Variants in SYN3 observed in about 807,000 individuals in gnomAD.
SYN3 encodes synapsin-3.
Under a neutral mutation model 65.8 loss-of-function variants are expected in SYN3, and 35 were observed. The ratio of observed to expected loss-of-function variants is 0.53; its 90% CI spans 0.41 to 0.70. SYN3 has a LOEUF of 0.70. SYN3 is among the 30% of genes least tolerant of loss of function. SYN3 has a pLI of 0.00. For missense variants in SYN3, 680 were observed against 749.0 expected (o/e 0.91, Z 1.08); for synonymous variants, 270 against 292.9 (o/e 0.92, Z 0.80).
chr22:32,646,588 G>A (rs1032891257), intron 6 of SYN3, among the ~76,000 whole-genome samples: 7 of 152,198 alleles, frequency 4.6e-5, no homozygotes, highest in Admixed American at 6.5e-5. Flanking sequence ...GAGCAGATGT[G>A]TTATAATAGG....
intron 6 of SYN3, chr22:32,833,730 G>A (rs973900452): frequency 2.0e-6 from 1 of 491,590 alleles, no homozygotes; most frequent in South Asian, 1.4e-5. Context: ...ATGATCTGGG[G>A]AGAGTCACTT....
chr22:32,809,594 A>G (rs996319989), intron 6 of SYN3, among the ~76,000 whole-genome samples: 1 of 152,172 alleles, frequency 6.6e-6, no homozygotes, highest in Admixed American at 6.5e-5. Context: ...ATCCGACACA[A>G]TTTCATGTGT....
intron 6 of SYN3, among the ~76,000 whole-genome samples, chr22:32,640,006 T>C (rs1380237326): frequency 1.3e-5 from 2 of 152,230 alleles, no homozygotes; most frequent in Admixed American, 1.3e-4. Flanking sequence ...CTTCAATCCA[T>C]ATGTTCTAGA....
intron 12 of SYN3, chr22:32,519,707 A>T (rs1438772411): frequency 6.6e-6 from 1 of 152,170 alleles, no homozygotes; most frequent in Non-Finnish European, 1.5e-5. Context: ...CTAACCCTCA[A>T]ATTCTGGGTG....
chr22:33,023,780 C>T (rs1160555850), intron 1 of SYN3, among the ~76,000 whole-genome samples: 1 of 152,184 alleles, frequency 6.6e-6, no homozygotes, highest in Non-Finnish European at 1.5e-5. Flanking sequence ...GTCTGGAGCT[C>T]AAGTGTCACC....
chr22:32,602,125 G>A (rs1022849134), intron 6 of SYN3, among the ~76,000 whole-genome samples: 1 of 152,080 alleles, frequency 6.6e-6, no homozygotes, highest in Admixed American at 6.5e-5. Flanking sequence ...AACAATATTA[G>A]AGGTAGAATT....
chr22:32,574,436 G>A (rs765651476), intron 7 of SYN3, among the ~76,000 whole-genome samples: 20 of 152,174 alleles, frequency 1.3e-4, no homozygotes, highest in Non-Finnish European at 1.8e-4. Context: ...CTATGATCAC[G>A]TCACTGTACT....
rs190340263 is a variant in SYN3, at chr22:32,592,812, C to T, written c.774+3862G>A. 1.6e-3 allele frequency among the ~76,000 whole-genome samples: 244 copies of T among 152,328 alleles called. 1 individual carries two copies. Among genetic ancestry groups the T allele is most frequent in the African/African-American group, 4.8e-3 (201 of 41,564 alleles). ...CAACAACACATTATGCATATTTACA[C>T]GACTATCTCTCCAATTCCTTGAGGA... On this transcript the variant is annotated intron_variant, in intron 7 of 13. Transcript: ENST00000358763.
At chr22:32,788,171 G>A (rs372625516) in intron 6 of SYN3, among the ~76,000 whole-genome samples, 13 of 151,970 alleles carry the variant, frequency 8.6e-5, no homozygotes, top group African/African-American at 2.7e-4. Context: ...ATTCCACATC[G>A]GGATTCAACC....
At position 32,508,002 on chromosome 22, in the gene SYN3, A is replaced by C. The variant is rs991052815; in HGVS notation, c.*5690T>G. Among the ~76,000 whole-genome samples the C allele has an allele frequency of 1.3e-5, 2 of 151,814 alleles. No homozygotes were observed. Among genetic ancestry groups the C allele is most frequent in the African/African-American group, 4.8e-5 (2 of 41,284 alleles). On this transcript the variant is annotated 3_prime_UTR_variant, in exon 14 of 14. Coordinates refer to ENST00000358763, the MANE Select transcript of SYN3 (RefSeq NM_003490.4). ...TTCTCTCTCCATACCACCCCCCAAAAATTTTCGTCGCCCCAACACTTCAAC... is the reference window on the plus strand; with the variant it reads ...TTCTCTCTCCATACCACCCCCCAAACATTTTCGTCGCCCCAACACTTCAAC...
In SYN3 at chr22:33,023,737, CAG is replaced by C. The variant is rs142781849; in HGVS notation, c.-162-16915_-162-16914del. 5.8e-3 allele frequency among the ~76,000 whole-genome samples: 882 copies of C among 152,242 alleles called. 7 individuals are homozygous for C. Among genetic ancestry groups the C allele is most frequent in the South Asian group, 0.028 (136 of 4,820 alleles). The stretch of plus-strand genomic sequence containing the variant: ...ACAGTGCGACGCTGTCTCAAACAAA[CAG>C]AATCCAAATGGAAGCCCTTGATAAG... On this transcript the variant is annotated intron_variant, in intron 1 of 13. Coordinates refer to ENST00000358763, the MANE Select transcript of SYN3 (RefSeq NM_003490.4).
In SYN3 at chr22:32,789,250, C is replaced by T. The variant is rs886522753; in HGVS notation, c.711+75665G>A. ...CCTGAAATCAGCCCCCAATCACTGC[C>T]TCCCAGGCCTAGAAAAAGCACTCCA... On this transcript the variant is annotated intron_variant, in intron 6 of 13. Coordinates refer to ENST00000358763, the MANE Select transcript of SYN3 (RefSeq NM_003490.4). Among the ~76,000 whole-genome samples, 5 of 152,236 alleles carry T rather than the reference C, an allele frequency of 3.3e-5. No homozygotes were observed. In the South Asian group the frequency reaches 1.0e-3, roughly 32 times the overall value.
At chr22:32,572,788 G>A (rs2058796998) in intron 7 of SYN3, among the ~76,000 whole-genome samples, 1 of 152,124 alleles carries the variant, frequency 6.6e-6, no homozygotes. Context: ...CAGGACTTCA[G>A]CAACTCCAGC....
At chr22:32,539,590 C>T (rs1601594497) in intron 8 of SYN3, among the ~76,000 whole-genome samples, 1 of 152,150 alleles carries the variant, frequency 6.6e-6, no homozygotes, top group African/African-American at 2.4e-5. Flanking sequence ...GCGACAAGCA[C>T]AAAGGCCCGA....
At position 32,528,899 on chromosome 22, in the gene SYN3, G is replaced by A. The variant is rs779405786; in HGVS notation, c.1205C>T (p.Thr402Ile). The part of the protein sequence containing the change: ...KMSQLPMPGG[T>I]APSPLRPWAP... ...CCAAGGTCTGAGGGGGGAGGGCGCT[G>A]TGCCTCCTGGCATCGGGAGCTGGCT... is the stretch of plus-strand genomic sequence containing the variant. Residue 402 changes from threonine (T) to isoleucine (I), a missense_variant, in exon 11 of 14, where the codon ACA (threonine) becomes ATA (isoleucine). Physicochemically the swap from Thr to Ile is moderately conservative, Grantham distance 89. Transcript: ENST00000358763. 6 of 1,614,038 alleles carry A rather than the reference G, an allele frequency of 3.7e-6. No individual in the cohort carries two copies. The South Asian group carries it at 5.5e-5, about 15-fold the overall frequency.
intron 2 of SYN3, among the ~76,000 whole-genome samples, chr22:32,988,305 CAAA>C (rs2052590481): frequency 2.3e-5 from 2 of 85,816 alleles, no homozygotes; most frequent in Admixed American, 1.4e-4. Context: ...GACTCTGTCT[CAAA>C]ATAATAATAA....
At chr22:32,749,855 C>T (rs1023344947) in intron 6 of SYN3, among the ~76,000 whole-genome samples, 3 of 152,166 alleles carry the variant, frequency 2.0e-5, no homozygotes, top group Admixed American at 1.3e-4. Flanking sequence ...CCAGGTCAAA[C>T]TTAGCATGCC....
At chr22:32,798,581 G>A (rs2046483957) in intron 6 of SYN3, among the ~76,000 whole-genome samples, 1 of 151,690 alleles carries the variant, frequency 6.6e-6, no homozygotes, top group Non-Finnish European at 1.5e-5. Flanking sequence ...TAGGTGTGTA[G>A]ACAGGCCAGA....
At chr22:33,047,252 A>G (rs2054083597) in intron 1 of SYN3, among the ~76,000 whole-genome samples, 1 of 152,158 alleles carries the variant, frequency 6.6e-6, no homozygotes, top group African/African-American at 2.4e-5. Context: ...CCTTATCTGT[A>G]CTAGTCACCA....
Sources: gnomAD v4.1 joint callset for allele counts (sites outside exome capture counted in the v4.1 genomes callset) on GRCh38, gnomAD v4.1.1 for gene constraint, MANE v1.5 for transcripts, NCBI Gene and HGNC (gene_info 2026-07-23, HGNC 2026-07-21) for gene names.